The following LRRC4C variants were observed in gnomAD, a reference collection of about 807,000 sequenced individuals.
LRRC4C encodes leucine rich repeat containing 4C.
Under a neutral mutation model 33.6 loss-of-function variants are expected in LRRC4C, and 5 were observed. The observed-to-expected ratio is 0.15, with a 90% CI of 0.08 to 0.31. The LOEUF (loss-of-function observed/expected upper bound fraction) is 0.31. LRRC4C is among the 10% of genes least tolerant of loss of function. The pLI is 1.00. For synonymous variants in LRRC4C, 329 were observed against 302.0 expected, an observed-to-expected ratio of 1.09 and a Z score of -0.93; for missense variants, 560 against 796.7, an observed-to-expected ratio of 0.70 and a Z score of 3.58.
At chr11:40,796,336 T>G (rs956029745) in intron 2 of LRRC4C, among the ~76,000 whole-genome samples, 6 of 152,196 alleles carry the variant, frequency 3.9e-5, no homozygotes, top group African/African-American at 7.2e-5. Context: ...AAGTTCGTGG[T>G]GCAGGGTAAA....
Position 40,561,667 on chromosome 11 carries a change from A to C in LRRC4C, c.-270+86475T>G, listed in dbSNP as rs556067740. Among the ~76,000 whole-genome samples, 111 of 151,804 alleles carry C rather than the reference A, an allele frequency of 7.3e-4. 2 individuals are homozygous for C. The highest frequency in any genetic ancestry group is 1.0e-3 in the Non-Finnish European group (71 of 67,924). On this transcript the variant is annotated intron_variant, in intron 3 of 6. Transcript: ENST00000528697. ...GACCTTGTGATCCGCCTGCCTCAGC[A>C]TCCCAAAGTGCTGGGATTACAGGCA...
intron 1 of LRRC4C, among the ~76,000 whole-genome samples, chr11:41,366,974 A>C (rs946231955): frequency 1.3e-5 from 2 of 152,190 alleles, no homozygotes; most frequent in African/African-American, 4.8e-5. Flanking sequence ...GAGACCAAAA[A>C]ATTTGTATGA....
chr11:41,313,677 CTATTAT>C (rs1950704914), intron 1 of LRRC4C, among the ~76,000 whole-genome samples: 1 of 152,086 alleles, frequency 6.6e-6, no homozygotes, highest in Non-Finnish European at 1.5e-5. Context: ...AATTTTATTA[CTATTAT>C]TAACAGACAG....
At chr11:41,116,530 A>G (rs1488672130) in intron 1 of LRRC4C, among the ~76,000 whole-genome samples, 1 of 152,156 alleles carries the variant, frequency 6.6e-6, no homozygotes, top group Non-Finnish European at 1.5e-5. Context: ...AAAATACAGT[A>G]ACAGTAATAA....
chr11:40,968,628 A>C (rs1173593111), intron 1 of LRRC4C, among the ~76,000 whole-genome samples: 1 of 152,072 alleles, frequency 6.6e-6, no homozygotes, highest in Non-Finnish European at 1.5e-5. Context: ...AAATTTTAGA[A>C]CCCTTACAAA....
intron 2 of LRRC4C, among the ~76,000 whole-genome samples, chr11:40,732,326 A>T (rs1458275207): frequency 6.6e-6 from 1 of 152,154 alleles, no homozygotes; most frequent in African/African-American, 2.4e-5. Context: ...AAAAAAGTAA[A>T]TATTGGCGTC....
chr11:40,430,743 C>T (rs985689642), intron 3 of LRRC4C, among the ~76,000 whole-genome samples: 23 of 151,870 alleles, frequency 1.5e-4, no homozygotes, highest in African/African-American at 5.1e-4. Flanking sequence ...TGTGATGTTA[C>T]GTCAAATAAA....
chr11:41,387,672 A>G (rs548964341), intron 1 of LRRC4C, among the ~76,000 whole-genome samples: 41 of 151,856 alleles, frequency 2.7e-4, no homozygotes, highest in African/African-American at 8.4e-4. Flanking sequence ...ATATCACCCT[A>G]ATAACTGTAA....
chr11:40,246,823 G>A (rs988157074), intron 4 of LRRC4C, among the ~76,000 whole-genome samples: 3 of 152,096 alleles, frequency 2.0e-5, no homozygotes, highest in African/African-American at 7.2e-5. Context: ...AAAAGTATAT[G>A]TGTCAGATAT....
chr11:40,755,091 G>A (rs1338849025), intron 2 of LRRC4C, among the ~76,000 whole-genome samples: 1 of 152,072 alleles, frequency 6.6e-6, no homozygotes, highest in Admixed American at 6.6e-5. Context: ...TATCTATTGA[G>A]TTTGCATGAT....
chr11:40,533,395 T>C (rs1168533599), intron 3 of LRRC4C, among the ~76,000 whole-genome samples: 1 of 152,102 alleles, frequency 6.6e-6, no homozygotes. Flanking sequence ...TGTGGGTCTT[T>C]TGGCAGCAAC....
chr11:40,626,177 C>A lies in LRRC4C; in HGVS notation c.-270+21965G>T, dbSNP rs1184143211. On this transcript the variant is annotated intron_variant, in intron 3 of 6. Transcript: ENST00000528697. Reference sequence around the variant, plus strand: ...TCAAACACAGTAGTCTCCTTCTGTCCCTCGAAATTGTTCTTTCCTCTGCCG... The same window carrying A: ...TCAAACACAGTAGTCTCCTTCTGTCACTCGAAATTGTTCTTTCCTCTGCCG... 7.9e-5 allele frequency among the ~76,000 whole-genome samples: 12 copies of A among 152,130 alleles called. No individual in the cohort carries two copies. In the East Asian group the frequency reaches 2.3e-3, roughly 30 times the overall value.
chr11:40,339,181 C>T (rs965219337), intron 3 of LRRC4C, among the ~76,000 whole-genome samples: 2 of 152,130 alleles, frequency 1.3e-5, no homozygotes, highest in Non-Finnish European at 2.9e-5. Context: ...TTAATAGATA[C>T]CACCTTGCCA....
intron 3 of LRRC4C, among the ~76,000 whole-genome samples, chr11:40,627,770 C>T (rs1394304179): frequency 3.9e-5 from 6 of 152,142 alleles, no homozygotes; most frequent in Admixed American, 1.3e-4. Flanking sequence ...GAAACTCAAG[C>T]GTGAAGAAAC....
At chr11:40,488,672 AC>A (rs1953995365) in intron 3 of LRRC4C, among the ~76,000 whole-genome samples, 1 of 151,984 alleles carries the variant, frequency 6.6e-6, no homozygotes, top group Non-Finnish European at 1.5e-5. Flanking sequence ...TTGGATTCTT[AC>A]GTGACTAAAT....
At chr11:41,168,156 G>T (rs1944812947) in intron 1 of LRRC4C, among the ~76,000 whole-genome samples, 2 of 152,136 alleles carry the variant, frequency 1.3e-5, no homozygotes, top group Admixed American at 1.3e-4. Context: ...GATGTTTCTG[G>T]TACTGATCAT....
intron 3 of LRRC4C, among the ~76,000 whole-genome samples, chr11:40,475,595 A>T (rs149729390): frequency 1.2e-3 from 185 of 152,092 alleles, no homozygotes; most frequent in African/African-American, 4.4e-3. Flanking sequence ...AACTTTAAGT[A>T]TAATAATAAT....
chr11:41,149,743 A>C (rs1943907080), intron 1 of LRRC4C, among the ~76,000 whole-genome samples: 1 of 152,100 alleles, frequency 6.6e-6, no homozygotes, highest in Non-Finnish European at 1.5e-5. Context: ...TATAACCTTG[A>C]GTGCTTGGTA....
At chr11:40,877,533 G>A (rs529391300) in intron 2 of LRRC4C, among the ~76,000 whole-genome samples, 4 of 152,036 alleles carry the variant, frequency 2.6e-5, no homozygotes, top group Admixed American at 1.3e-4. Flanking sequence ...TCAATTCACC[G>A]AGTTATGGTG....
Sources: allele counts gnomAD v4.1 joint callset (sites outside exome capture counted in the v4.1 genomes callset), GRCh38; gene constraint gnomAD v4.1.1; transcripts MANE v1.5; gene names NCBI Gene and HGNC (gene_info 2026-07-23, HGNC 2026-07-21).